The following KCNQ3 variants were observed in gnomAD, a reference collection of about 807,000 sequenced individuals.
KCNQ3 encodes the protein potassium voltage-gated channel subfamily KQT member 3.
In KCNQ3, 30 loss-of-function variants were observed where a neutral mutation model predicts 92.5. That is an observed-to-expected ratio of 0.32 (90% CI 0.24 to 0.44). The LOEUF (loss-of-function observed/expected upper bound fraction) is 0.44. Ranked by LOEUF, KCNQ3 falls within the 20% of genes least tolerant of loss-of-function variation. KCNQ3 has a pLI of 1.00. For synonymous variants in KCNQ3, 450 were observed against 468.8 expected (o/e 0.96, Z 0.52); for missense variants, 913 against 1,140.3 (o/e 0.80, Z 2.87).
chr8:132,424,364 T>A (rs1821051561), intron 1 of KCNQ3, among the ~76,000 whole-genome samples: 1 of 151,810 alleles, frequency 6.6e-6, no homozygotes, highest in Admixed American at 6.6e-5. Flanking sequence ...CCAAAAACTC[T>A]AACCTCTACC....
At position 132,480,230 on chromosome 8, in the gene KCNQ3, G is replaced by T. The variant is rs1433420836; in HGVS notation, c.303C>A (p.Asn101Lys). 4 of 1,613,362 alleles carry T rather than the reference G, an allele frequency of 2.5e-6. No individual in the cohort carries two copies. The highest frequency in any genetic ancestry group is 3.4e-6 in the Non-Finnish European group (4 of 1,179,554). Residue 101 changes from asparagine to lysine, a missense_variant, in exon 1 of 15, where the codon AAC becomes AAA. By Grantham distance (94) the Asn-to-Lys change is moderately conservative. Coordinates refer to ENST00000388996, the MANE Select transcript of KCNQ3 (RefSeq NM_004519.4). ...AAGTTTGGATGCGCCGGTACTTGGC[G>T]TTGTTTCTCTTGACTGGGCGGCTCA... ...TPLSRPVKRN[N>K]AKYRRIQTLI...
intron 8 of KCNQ3, among the ~76,000 whole-genome samples, chr8:132,166,457 C>T (rs915608857): frequency 6.6e-6 from 1 of 152,284 alleles, no homozygotes; most frequent in Middle Eastern, 3.4e-3. Flanking sequence ...CCCTCGGACC[C>T]TTATGACCAA....
chr8:132,212,888 C>A (rs556089907), intron 1 of KCNQ3, among the ~76,000 whole-genome samples: 4 of 152,328 alleles, frequency 2.6e-5, no homozygotes, highest in African/African-American at 9.6e-5. Context: ...TCTGCAAACA[C>A]AGACCTGTAG....
At chr8:132,410,266 G>T (rs1820614136) in intron 1 of KCNQ3, among the ~76,000 whole-genome samples, 1 of 152,208 alleles carries the variant, frequency 6.6e-6, no homozygotes, top group Non-Finnish European at 1.5e-5. Flanking sequence ...AGCATGTAAG[G>T]TAGGCTAAAA....
At chr8:132,169,213 G>A (rs1032125990) in intron 8 of KCNQ3, among the ~76,000 whole-genome samples, 2 of 152,140 alleles carry the variant, frequency 1.3e-5, no homozygotes, top group Non-Finnish European at 2.9e-5. Flanking sequence ...CACCCCAGGG[G>A]CTCCTGTTCA....
Position 132,228,974 on chromosome 8 carries a change from G to GGCTCTGGAA in KCNQ3, c.387-42794_387-42793insTTCCAGAGC, listed in dbSNP as rs1814533159. On this transcript the variant is annotated intron_variant, in intron 1 of 14. Transcript: ENST00000388996. Reference sequence around the variant, plus strand: ...TGTGTATCATAAAAATCTTTCTGGAGGCTGGGCATGGTGGCTCACACCTGT... The same window carrying GGCTCTGGAA: ...TGTGTATCATAAAAATCTTTCTGGAGGCTCTGGAAGCTGGGCATGGTGGCTCACACCTGT... Among the ~76,000 whole-genome samples, 3 of 151,090 alleles carry GGCTCTGGAA rather than the reference G, an allele frequency of 2.0e-5. No homozygotes were observed. In the East Asian group the frequency reaches 5.8e-4, roughly 29 times the overall value.
intron 1 of KCNQ3, among the ~76,000 whole-genome samples, chr8:132,303,695 CCA>C (rs1208352352): frequency 7.9e-6 from 1 of 125,824 alleles, no homozygotes; most frequent in African/African-American, 3.0e-5. Context: ...CACAGCCACA[CCA>C]CACACACACA....
chr8:132,264,194 T>G (rs182207965), intron 1 of KCNQ3, among the ~76,000 whole-genome samples: 55 of 152,268 alleles, frequency 3.6e-4, no homozygotes, highest in Non-Finnish European at 6.6e-4. Context: ...GCTATTTCAT[T>G]TTAGTCTTCA....
intron 1 of KCNQ3, among the ~76,000 whole-genome samples, chr8:132,462,221 C>G (rs185183877): frequency 6.6e-6 from 1 of 151,624 alleles, no homozygotes; most frequent in African/African-American, 2.4e-5. Context: ...TTTTTTGAGA[C>G]GGAGTCTTGC....
intron 1 of KCNQ3, among the ~76,000 whole-genome samples, chr8:132,416,345 C>T (rs1820806571): frequency 6.6e-6 from 1 of 152,142 alleles, no homozygotes. Flanking sequence ...TTCATAAATT[C>T]AGTCGGGCAC....
chr8:132,289,915 C>A (rs1816793195), intron 1 of KCNQ3, among the ~76,000 whole-genome samples: 2 of 152,168 alleles, frequency 1.3e-5, no homozygotes, highest in African/African-American at 2.4e-5. Flanking sequence ...ATCCCAAAAT[C>A]TTCAAATAGA....
rs2130921572 is a variant in KCNQ3, at chr8:132,128,706, T to G, written c.*556A>C. Reference sequence around the variant, plus strand: ...GTTTTGCCTTAAATATTTGTTTAAATTCTTTGTTTTAGAGACACAATGACT... The same window carrying G: ...GTTTTGCCTTAAATATTTGTTTAAAGTCTTTGTTTTAGAGACACAATGACT... On this transcript the variant is annotated 3_prime_UTR_variant, in exon 15 of 15. Transcript: ENST00000388996. The G allele has an allele frequency of 6.4e-6, 1 of 155,904 alleles. No homozygotes were observed. Among genetic ancestry groups the G allele is most frequent in the Non-Finnish European group, 1.4e-5 (1 of 70,168 alleles). 9.7% of individuals were successfully genotyped at this position (155,904 alleles called of 1,614,324 possible). A position where few individuals can be genotyped will look rare whatever the true frequency, so the allele number is the denominator to read the frequency against.
intron 1 of KCNQ3, among the ~76,000 whole-genome samples, chr8:132,364,456 AC>A (rs1819257867): frequency 6.6e-6 from 1 of 152,160 alleles, no homozygotes; most frequent in Non-Finnish European, 1.5e-5. Context: ...CCATCATGCC[AC>A]GGGAGGTCAC....
At chr8:132,148,662 A>ATT (rs1413216938) in intron 9 of KCNQ3, among the ~76,000 whole-genome samples, 1 of 152,230 alleles carries the variant, frequency 6.6e-6, no homozygotes, top group African/African-American at 2.4e-5. Context: ...GCCTTCACCA[A>ATT]TGTGGATGGA....
chr8:132,286,270 G>A (rs1816678075), intron 1 of KCNQ3, among the ~76,000 whole-genome samples: 1 of 152,216 alleles, frequency 6.6e-6, no homozygotes, highest in African/African-American at 2.4e-5. Flanking sequence ...CACGTGGACT[G>A]CACCCAGCAA....
At chr8:132,180,040 T>A in intron 4 of KCNQ3, 117 bp downstream of exon 4, 1 of 1,135,818 alleles carries the variant, frequency 8.8e-7, no homozygotes, top group East Asian at 2.4e-5. Context: ...TTTGTCGTTA[T>A]CATCAAGGGT....
At chr8:132,257,049 G>A (rs140444151) in intron 1 of KCNQ3, among the ~76,000 whole-genome samples, 89 of 152,236 alleles carry the variant, frequency 5.8e-4, no homozygotes, top group African/African-American at 2.1e-3. Context: ...AATTATAAAT[G>A]TTTGTGAGCA....
chr8:132,180,426 C>CA, intron 3 of KCNQ3, 97 bp from the exon 4 acceptor site: 1 of 1,348,122 alleles, frequency 7.4e-7, no homozygotes. Context: ...GGCAGATCAG[C>CA]ATGTGCCAAG....
chr8:132,236,792 A>G (rs150161081), intron 1 of KCNQ3, among the ~76,000 whole-genome samples: 2 of 152,236 alleles, frequency 1.3e-5, no homozygotes, highest in Non-Finnish European at 2.9e-5. Context: ...TCAGAGACAG[A>G]GGAGTAAGAA....
Sources: gnomAD v4.1 joint callset for allele counts (sites outside exome capture counted in the v4.1 genomes callset) on GRCh38, gnomAD v4.1.1 for gene constraint, MANE v1.5 for transcripts, NCBI Gene and HGNC (gene_info 2026-07-23, HGNC 2026-07-21) for gene names.